Variants in CLVS1 observed in about 807,000 individuals in gnomAD.
CLVS1 encodes the protein clavesin-1.
A neutral mutation model predicts 33.1 loss-of-function variants in CLVS1; 10 were observed. The observed-to-expected ratio is 0.30, with a 90% CI of 0.19 to 0.51. CLVS1 has a LOEUF of 0.51. Among genes scored for constraint, CLVS1 ranks in the 20% least tolerant of loss-of-function variants. The pLI is 0.97. For synonymous variants in CLVS1, 163 were observed against 166.1 expected, an observed-to-expected ratio of 0.98 and a Z score of 0.14; for missense variants, 343 against 433.4, an observed-to-expected ratio of 0.79 and a Z score of 1.85.
intron 2 of CLVS1, among the ~76,000 whole-genome samples, chr8:61,159,331 T>G (rs1018168554): frequency 3.3e-5 from 5 of 152,208 alleles, no homozygotes; most frequent in African/African-American, 1.2e-4. Context: ...GCCTTAAACT[T>G]CTCTTCCTAC....
the CLVS1 span, among the ~76,000 whole-genome samples, chr8:60,983,479 G>A: frequency 6.6e-6 from 1 of 152,180 alleles, no homozygotes; most frequent in Admixed American, 6.5e-5. Flanking sequence ...CAAGGAGCCA[G>A]CATTTTCAAA....
chr8:61,267,021 C>A (rs4033386), intron 2 of CLVS1, among the ~76,000 whole-genome samples: 4 of 152,220 alleles, frequency 2.6e-5, no homozygotes, highest in Non-Finnish European at 5.9e-5. Flanking sequence ...GACAGAATCT[C>A]AGGAGAGACA....
chr8:61,189,526 T>C (rs1023076655), intron 2 of CLVS1, among the ~76,000 whole-genome samples: 4 of 151,984 alleles, frequency 2.6e-5, no homozygotes, highest in Admixed American at 6.6e-5. Context: ...CATAACAATA[T>C]AACCTTAAAT....
At chr8:61,299,106 C>T (rs1364155412) in intron 1 of CLVS1, among the ~76,000 whole-genome samples, 1 of 152,180 alleles carries the variant, frequency 6.6e-6, no homozygotes, top group Non-Finnish European at 1.5e-5. Context: ...ACTCTTCACA[C>T]ATACTGGTGG....
At chr8:61,479,960 G>A (rs1017816866) in intron 5 of CLVS1, among the ~76,000 whole-genome samples, 1 of 152,234 alleles carries the variant, frequency 6.6e-6, no homozygotes, top group Admixed American at 6.5e-5. Flanking sequence ...TCTCAGAGGA[G>A]TACCCGGCCG....
At chr8:61,017,653 AG>A in the CLVS1 span, among the ~76,000 whole-genome samples, 1 of 152,258 alleles carries the variant, frequency 6.6e-6, no homozygotes, top group Non-Finnish European at 1.5e-5. Flanking sequence ...CTCCAGGTCC[AG>A]GGACAAAGAG....
At chr8:61,497,022 T>C (rs1462029433) in intron 5 of CLVS1, among the ~76,000 whole-genome samples, 5 of 152,226 alleles carry the variant, frequency 3.3e-5, no homozygotes, top group Non-Finnish European at 7.3e-5. Context: ...CATGTTAATA[T>C]ACAACTATGG....
intron 1 of CLVS1, among the ~76,000 whole-genome samples, chr8:61,100,030 C>T (rs1340657326): frequency 6.6e-6 from 1 of 152,174 alleles, no homozygotes; most frequent in Non-Finnish European, 1.5e-5. Context: ...ACACCATCTT[C>T]CACCTCCCTT....
intron 3 of CLVS1, among the ~76,000 whole-genome samples, chr8:61,436,348 A>C (rs1423125560): frequency 6.6e-6 from 1 of 152,196 alleles, no homozygotes; most frequent in Non-Finnish European, 1.5e-5. Flanking sequence ...CAAAATATTT[A>C]GCTGCACTTG....
chr8:61,104,255 A>T (rs1209967712), intron 1 of CLVS1, among the ~76,000 whole-genome samples: 1 of 152,276 alleles, frequency 6.6e-6, no homozygotes, highest in Non-Finnish European at 1.5e-5. Flanking sequence ...AACCTGGTTC[A>T]TACAAACAAG....
At chr8:61,149,214 G>T (rs944149578) in intron 2 of CLVS1, among the ~76,000 whole-genome samples, 3 of 152,038 alleles carry the variant, frequency 2.0e-5, no homozygotes, top group African/African-American at 7.2e-5. Context: ...AAAAATAGTT[G>T]AAAGAAAGAG....
chr8:61,022,122 C>T, the CLVS1 span, among the ~76,000 whole-genome samples: 3 of 152,230 alleles, frequency 2.0e-5, no homozygotes, highest in Admixed American at 1.3e-4. Context: ...TTCACACGCA[C>T]ACACACTGGA....
At chr8:61,111,909 G>T (rs1366769053) in intron 1 of CLVS1, among the ~76,000 whole-genome samples, 1 of 152,060 alleles carries the variant, frequency 6.6e-6, no homozygotes, top group Non-Finnish European at 1.5e-5. Context: ...TTTTCCAGAA[G>T]ATCTCTCCAA....
intron 2 of CLVS1, among the ~76,000 whole-genome samples, chr8:61,145,712 C>T (rs1004918932): frequency 1.3e-5 from 2 of 152,192 alleles, no homozygotes; most frequent in African/African-American, 4.8e-5. Flanking sequence ...AACCCCTCCC[C>T]TCGGGCAAGT....
At chr8:61,432,249 A>G (rs1816143036) in intron 3 of CLVS1, among the ~76,000 whole-genome samples, 1 of 152,210 alleles carries the variant, frequency 6.6e-6, no homozygotes, top group South Asian at 2.1e-4. Flanking sequence ...ACCTATTATC[A>G]AGGGGTAAAA....
intron 2 of CLVS1, among the ~76,000 whole-genome samples, chr8:61,193,756 C>T (rs1807545440): frequency 6.6e-6 from 1 of 151,626 alleles, no homozygotes; most frequent in Non-Finnish European, 1.5e-5. Flanking sequence ...ACAAGATACA[C>T]CCAAGCAGAA....
chr8:60,982,122 G>A, the CLVS1 span, among the ~76,000 whole-genome samples: 1 of 152,220 alleles, frequency 6.6e-6, no homozygotes, highest in Admixed American at 6.5e-5. Context: ...ATGAGAGCAA[G>A]GGTCTGGCCG....
the CLVS1 span, among the ~76,000 whole-genome samples, chr8:61,022,436 A>G: frequency 6.6e-6 from 1 of 152,190 alleles, no homozygotes; most frequent in Non-Finnish European, 1.5e-5. Context: ...CTAGGTTCCT[A>G]ATAGACCTTT....
intron 2 of CLVS1, among the ~76,000 whole-genome samples, chr8:61,317,040 TGTG>T (rs922488763): frequency 3.3e-5 from 5 of 152,200 alleles, no homozygotes; most frequent in African/African-American, 1.2e-4. Flanking sequence ...AAAATTATAT[TGTG>T]GTCACTTCAT....
Sources: allele counts gnomAD v4.1 joint callset (sites outside exome capture counted in the v4.1 genomes callset), GRCh38; gene constraint gnomAD v4.1.1; transcripts MANE v1.5; gene names NCBI Gene and HGNC (gene_info 2026-07-23, HGNC 2026-07-21).